EYS: variants seen among roughly 807,000 people sequenced by gnomAD.
The protein encoded by EYS is EGF-like photoreceptor maintenance factor.
Under a neutral mutation model 282.1 loss-of-function variants are expected in EYS, and 250 were observed. The ratio of observed to expected loss-of-function variants is 0.89; its 90% confidence interval spans 0.80 to 0.98. EYS has a LOEUF of 0.98. EYS is among the 50% of genes least tolerant of loss of function. The pLI, the probability that EYS is intolerant of heterozygous loss-of-function variation, is 0.00. For synonymous variants in EYS, 1,355 were observed against 1,282.9 expected (o/e 1.06, Z -1.20); for missense variants, 4,016 against 3,709.0 (o/e 1.08, Z -2.15).
In EYS at chr6:65,199,425, G is replaced by A. The variant is rs145598152; in HGVS notation, c.2023+96438C>T. Among the ~76,000 whole-genome samples the A allele has an allele frequency of 9.3e-3, 1,414 of 152,080 alleles. 31 individuals carry two copies. Among genetic ancestry groups the A allele is most frequent in the African/African-American group, 0.032 (1,330 of 41,486 alleles). ...TCAATTGTTATGACATATTTTTGAG[G>A]CTTCTAATATTTCATTCATATTTAA... On this transcript the variant is annotated intron_variant, in intron 12 of 42. Coordinates refer to ENST00000503581, the MANE Select transcript of EYS (RefSeq NM_001142800.2).
In EYS at chr6:65,309,293, A is replaced by C. The variant is rs572657325; in HGVS notation, c.1767-13174T>G. Among the ~76,000 whole-genome samples the C allele has an allele frequency of 5.5e-4, 83 of 152,262 alleles. No individual in the cohort carries two copies. In the East Asian group the frequency reaches 0.012, roughly 22 times the overall value. On this transcript the variant is annotated intron_variant, in intron 11 of 42. Coordinates refer to ENST00000503581, the MANE Select transcript of EYS (RefSeq NM_001142800.2). ...AATTGCACCCATACACTTCCTTAGAAGGGGAAAGTTTGCAGGCCTCTGAAA... is the reference window on the plus strand; with the variant it reads ...AATTGCACCCATACACTTCCTTAGACGGGGAAAGTTTGCAGGCCTCTGAAA...
intron 22 of EYS, among the ~76,000 whole-genome samples, chr6:64,783,327 T>G (rs1237414475): frequency 6.6e-6 from 1 of 151,292 alleles, no homozygotes; most frequent in Non-Finnish European, 1.5e-5. Context: ...TATATACATA[T>G]CCTATATACA....
At chr6:64,320,519 C>T (rs115355082) in intron 29 of EYS, among the ~76,000 whole-genome samples, 4,732 of 151,720 alleles carry the variant, frequency 0.031, 233 homozygotes, top group African/African-American at 0.11. Flanking sequence ...CTACTTGTTT[C>T]ACTTTATTAG....
intron 37 of EYS, among the ~76,000 whole-genome samples, chr6:63,798,917 G>T (rs1054610025): frequency 7.2e-6 from 1 of 139,522 alleles, no homozygotes; most frequent in Non-Finnish European, 1.5e-5. Context: ...AAATTTCCAG[G>T]AAGTCAAATA....
intron 30 of EYS, among the ~76,000 whole-genome samples, chr6:64,237,828 AC>A (rs1420226481): frequency 6.6e-6 from 1 of 152,174 alleles, no homozygotes; most frequent in Non-Finnish European, 1.5e-5. Flanking sequence ...TATTTAAAAA[AC>A]ATATATAATT....
intron 5 of EYS, among the ~76,000 whole-genome samples, chr6:65,483,903 C>T (rs576706925): frequency 3.3e-5 from 5 of 151,954 alleles, no homozygotes; most frequent in African/African-American, 7.3e-5. Context: ...TTAAAACCAT[C>T]GGCTCTCGTG....
chr6:64,902,577 A>T, intron 16 of EYS, 77 bp from the exon 17 acceptor site: 1 of 780,358 alleles, frequency 1.3e-6, no homozygotes, highest in Non-Finnish European at 2.0e-6. Flanking sequence ...TGGTAGTCTA[A>T]AGAATACACT....
intron 19 of EYS, among the ~76,000 whole-genome samples, chr6:64,832,133 T>C (rs940269657): frequency 1.3e-5 from 2 of 151,784 alleles, no homozygotes; most frequent in African/African-American, 4.8e-5. Flanking sequence ...TTGAGGGCCC[T>C]GTGTATTAAC....
intron 35 of EYS, among the ~76,000 whole-genome samples, chr6:63,927,009 T>C (rs1197216814): frequency 6.6e-6 from 1 of 152,142 alleles, no homozygotes; most frequent in African/African-American, 2.4e-5. Flanking sequence ...GGAGAAAGAT[T>C]GGGTGGGTGT....
At chr6:65,557,338 T>G (rs1202348449) in intron 2 of EYS, among the ~76,000 whole-genome samples, 2 of 152,160 alleles carry the variant, frequency 1.3e-5, no homozygotes, top group African/African-American at 2.4e-5. Context: ...GTCCAGCCAC[T>G]GCATACAGGC....
intron 29 of EYS, among the ~76,000 whole-genome samples, chr6:64,317,893 C>G (rs999102886): frequency 6.6e-6 from 1 of 151,972 alleles, no homozygotes; most frequent in African/African-American, 2.4e-5. Context: ...ATGGATGAAG[C>G]TGGAAACTAT....
chr6:65,244,982 T>C (rs1767145456), intron 12 of EYS, among the ~76,000 whole-genome samples: 1 of 152,202 alleles, frequency 6.6e-6, no homozygotes, highest in Non-Finnish European at 1.5e-5. Context: ...TAGCACAAAG[T>C]TAATTTAAAT....
intron 19 of EYS, among the ~76,000 whole-genome samples, chr6:64,842,555 C>G (rs1167362564): frequency 6.6e-6 from 1 of 151,912 alleles, no homozygotes; most frequent in South Asian, 2.1e-4. Flanking sequence ...CTTCTAGAGA[C>G]TTGTTGAATG....
At chr6:65,113,849 G>T (rs1419257964) in intron 12 of EYS, among the ~76,000 whole-genome samples, 1 of 152,030 alleles carries the variant, frequency 6.6e-6, no homozygotes, top group Non-Finnish European at 1.5e-5. Context: ...TAAACAAAGA[G>T]AAAGACAGGA....
intron 33 of EYS, among the ~76,000 whole-genome samples, chr6:64,017,263 G>A (rs1768939490): frequency 6.6e-6 from 1 of 152,010 alleles, no homozygotes; most frequent in Non-Finnish European, 1.5e-5. Context: ...GTACCTAGAA[G>A]AGAATTACAG....
intron 26 of EYS, among the ~76,000 whole-genome samples, chr6:64,529,739 G>A (rs1764261720): frequency 6.6e-6 from 1 of 152,000 alleles, no homozygotes; most frequent in South Asian, 2.1e-4. Flanking sequence ...TTTAAGAAAA[G>A]GAATACTAGA....
intron 22 of EYS, among the ~76,000 whole-genome samples, chr6:64,742,776 C>T (rs1250015993): frequency 6.6e-6 from 1 of 152,224 alleles, no homozygotes; most frequent in South Asian, 2.1e-4. Context: ...GAAAGAAATA[C>T]TCCCCTGAGA....
At chr6:65,050,648 C>T (rs1223559329) in intron 13 of EYS, among the ~76,000 whole-genome samples, 1 of 151,528 alleles carries the variant, frequency 6.6e-6, no homozygotes, top group Non-Finnish European at 1.5e-5. Context: ...TTTAGTATAG[C>T]TGTAGATTGA....
chr6:65,424,932 A>T (rs1411349239), intron 5 of EYS, among the ~76,000 whole-genome samples: 1 of 152,080 alleles, frequency 6.6e-6, no homozygotes, highest in Non-Finnish European at 1.5e-5. Context: ...AAGGCAAATA[A>T]TAAATGAAGC....
Sources: allele counts gnomAD v4.1 joint callset (sites outside exome capture counted in the v4.1 genomes callset), GRCh38; gene constraint gnomAD v4.1.1; transcripts MANE v1.5; gene names NCBI Gene and HGNC (gene_info 2026-07-23, HGNC 2026-07-21).